DCAF17: variants seen among roughly 807,000 people sequenced by gnomAD.
The protein encoded by DCAF17 is DDB1 and CUL4 associated factor 17, also known as DDB1- and CUL4-associated factor 17.
A neutral mutation model predicts 66.0 loss-of-function variants in DCAF17; 48 were observed. That is an observed-to-expected ratio of 0.73 (90% confidence interval 0.58 to 0.92). DCAF17 has a LOEUF of 0.92. Ranked by LOEUF, DCAF17 falls within the 40% of genes least tolerant of loss-of-function variation. The pLI is 0.00. For synonymous variants in DCAF17, 206 were observed against 214.6 expected, an observed-to-expected ratio of 0.96 and a Z score of 0.35; for missense variants, 562 against 622.8, an observed-to-expected ratio of 0.90 and a Z score of 1.04.
chr2:171,459,592 T>A lies in DCAF17; in HGVS notation c.838+1115T>A, dbSNP rs77760038. ...AACCAATAAGCATTATATTTTTAGGTGAAATGCCAAAGGATTTTCTAATAT... is the reference window on the plus strand; with the variant it reads ...AACCAATAAGCATTATATTTTTAGGAGAAATGCCAAAGGATTTTCTAATAT... On this transcript the variant is annotated intron_variant, in intron 8 of 13. Coordinates refer to ENST00000375255, the MANE Select transcript of DCAF17 (RefSeq NM_025000.4). 9.2e-3 allele frequency among the ~76,000 whole-genome samples: 1,400 copies of A among 152,294 alleles called. 25 individuals carry two copies. The highest frequency in any genetic ancestry group is 0.032 in the African/African-American group (1,313 of 41,558).
At chr2:171,470,698 T>G (rs1234593244) in intron 9 of DCAF17, among the ~76,000 whole-genome samples, 1 of 152,212 alleles carries the variant, frequency 6.6e-6, no homozygotes, top group African/African-American at 2.4e-5. Context: ...CATCCCTTTT[T>G]CACTTAACTT....
chr2:171,434,768 G>T, intron 1 of DCAF17, 65 bp downstream of exon 1: 1 of 1,390,866 alleles, frequency 7.2e-7, no homozygotes, highest in Non-Finnish European at 9.2e-7. Flanking sequence ...GCCTCCTGCG[G>T]GGATGCGGTT....
Position 171,453,108 on chromosome 2 carries a change from T to C in DCAF17, c.538-16T>C. 6.3e-7 allele frequency: 1 copy of C among 1,583,402 alleles called. No individual in the cohort carries two copies. Among genetic ancestry groups the C allele is most frequent in the Admixed American group, 1.8e-5 (1 of 56,428 alleles). On this transcript the variant is annotated splice_polypyrimidine_tract_variant and intron_variant, in intron 5 of 13. Transcript: ENST00000375255. ...TACTTTTGAGAGCTGCGTGTAATTG[T>C]AGTCTTTCCTTCTAGGCAGGCATTC...
chr2:171,439,979 G>A (rs1574319694), intron 2 of DCAF17, among the ~76,000 whole-genome samples: 1 of 151,866 alleles, frequency 6.6e-6, no homozygotes, highest in Non-Finnish European at 1.5e-5. Flanking sequence ...GAAATGAGGC[G>A]TTGCTTTGTT....
chr2:171,455,285 G>A (rs1695192100), intron 6 of DCAF17, among the ~76,000 whole-genome samples: 2 of 152,112 alleles, frequency 1.3e-5, no homozygotes. Context: ...GTTTTAGTTT[G>A]CTAAGGTTAA....
chr2:171,468,130 T>C (rs940640264), intron 8 of DCAF17, among the ~76,000 whole-genome samples: 2 of 152,084 alleles, frequency 1.3e-5, no homozygotes, highest in Admixed American at 1.3e-4. Context: ...TAAGAATAGA[T>C]CTATTATGCC....
intron 13 of DCAF17, among the ~76,000 whole-genome samples, chr2:171,480,653 T>A (rs779537657): frequency 2.6e-5 from 4 of 152,280 alleles, no homozygotes; most frequent in Middle Eastern, 3.4e-3. Flanking sequence ...CCAGGTCTTG[T>A]TTTATCAGTG....
chr2:171,439,119 T>TTTTTTTCATC (rs1157881868), intron 2 of DCAF17, among the ~76,000 whole-genome samples: 1 of 152,082 alleles, frequency 6.6e-6, no homozygotes, highest in African/African-American at 2.4e-5. Flanking sequence ...TTAAGGTGCT[T>TTTTTTTCATC]TTTTTTCATC....
chr2:171,478,689 A>G (rs1408423841), intron 12 of DCAF17, among the ~76,000 whole-genome samples: 1 of 152,204 alleles, frequency 6.6e-6, no homozygotes, highest in Non-Finnish European at 1.5e-5. Flanking sequence ...TAACTATATT[A>G]TTTGTAGGAC....
In DCAF17 at chr2:171,482,796, T is replaced by C. The variant is rs908589403; in HGVS notation, c.*1682T>C. On this transcript the variant is annotated 3_prime_UTR_variant, in exon 14 of 14. Coordinates refer to ENST00000375255, the MANE Select transcript of DCAF17 (RefSeq NM_025000.4). ...GAGAAATAGCTGAATTCCTGGCTGC[T>C]TTTTTGCTGGGGGTAGATGGTGGAA... is the stretch of plus-strand genomic sequence containing the variant. The C allele has an allele frequency of 2.0e-5, 9 of 453,660 alleles. No homozygotes were observed. Among genetic ancestry groups the C allele is most frequent in the African/African-American group, 1.2e-4 (6 of 49,986 alleles). 28.1% of individuals were successfully genotyped at this position (453,660 alleles called of 1,614,324 possible).
chr2:171,452,571 A>G (rs79017245), intron 5 of DCAF17, among the ~76,000 whole-genome samples: 4,652 of 152,016 alleles, frequency 0.031, 80 homozygotes, highest in East Asian at 0.051. Flanking sequence ...CTCTCACGTC[A>G]CCCTCCTGAG....
rs146802661 is a variant in DCAF17 at position 171,455,785 on chromosome 2, T to C, written c.628-2186T>C. ...ATCAGTGATGTTGAGCTTTTTTTCA[T>C]GTGCTTGTTGGCCACATGTATGCCA... On this transcript the variant is annotated intron_variant, in intron 6 of 13. Coordinates refer to ENST00000375255, the MANE Select transcript of DCAF17 (RefSeq NM_025000.4). Among the ~76,000 whole-genome samples, 1,050 of 152,360 alleles carry C rather than the reference T, an allele frequency of 6.9e-3. 13 individuals are homozygous for C. The highest frequency in any genetic ancestry group is 0.023 in the African/African-American group (972 of 41,576).
chr2:171,439,696 G>C (rs115174779), intron 2 of DCAF17, among the ~76,000 whole-genome samples: 68 of 152,012 alleles, frequency 4.5e-4, no homozygotes, highest in African/African-American at 1.6e-3. Context: ...GGGAGGACTA[G>C]GTGGGCAGAT....
chr2:171,482,363 T>A lies in DCAF17; in HGVS notation c.*1249T>A. 4.6e-6 allele frequency: 2 copies of A among 438,450 alleles called. No individual in the cohort carries two copies. Among genetic ancestry groups the A allele is most frequent in the Non-Finnish European group, 9.1e-6 (2 of 219,080 alleles). 27.2% of individuals were successfully genotyped at this position (438,450 alleles called of 1,614,324 possible). On this transcript the variant is annotated 3_prime_UTR_variant, in exon 14 of 14. Coordinates refer to ENST00000375255, the MANE Select transcript of DCAF17 (RefSeq NM_025000.4). Reference sequence around the variant, plus strand: ...GATGATTTATATTAAAATCTTTCCATTTTTTTTTTCAGTTTTGGCTTGATG... The same window carrying A: ...GATGATTTATATTAAAATCTTTCCAATTTTTTTTTCAGTTTTGGCTTGATG...
In DCAF17 at chr2:171,482,395, T is replaced by A. The variant is rs780757035; in HGVS notation, c.*1281T>A. ...TTTCAGTTTTGGCTTGATGCCATGT[T>A]AAGAATGATGTGAATTCTTCCCAGT... On this transcript the variant is annotated 3_prime_UTR_variant, in exon 14 of 14. Coordinates refer to ENST00000375255, the MANE Select transcript of DCAF17 (RefSeq NM_025000.4). 5.3e-5 allele frequency: 24 copies of A among 453,966 alleles called. No homozygotes were observed. The highest frequency in any genetic ancestry group is 9.3e-5 in the Non-Finnish European group (21 of 226,778). The allele number at this position is 453,966 out of a possible 1,614,324, so 28.1% of individuals were successfully genotyped here. A position where few individuals can be genotyped will look rare whatever the true frequency, so the allele number is the denominator to read the frequency against.
chr2:171,469,198 G>A (rs1476871419), intron 9 of DCAF17, among the ~76,000 whole-genome samples, 168 bp downstream of exon 9: 1 of 152,186 alleles, frequency 6.6e-6, no homozygotes, highest in East Asian at 1.9e-4. Context: ...AAACATTTGT[G>A]TGTATCACCC....
intron 2 of DCAF17, among the ~76,000 whole-genome samples, chr2:171,435,397 G>A (rs1381540414): frequency 6.6e-6 from 1 of 152,138 alleles, no homozygotes; most frequent in Admixed American, 6.5e-5. Flanking sequence ...CCAACTTAAA[G>A]CAAAACTACA....
intron 8 of DCAF17, among the ~76,000 whole-genome samples, chr2:171,462,706 G>C (rs974000441): frequency 6.6e-6 from 1 of 152,020 alleles, no homozygotes; most frequent in African/African-American, 2.4e-5. Flanking sequence ...TCAGTACTAG[G>C]AATTTATCCC....
At chr2:171,460,302 G>C (rs556905701) in intron 8 of DCAF17, among the ~76,000 whole-genome samples, 2 of 142,580 alleles carry the variant, frequency 1.4e-5, no homozygotes, top group South Asian at 4.6e-4. Context: ...TAGCCTGGGC[G>C]ATTGAGCGAG....
Sources: gnomAD v4.1 joint callset for allele counts (sites outside exome capture counted in the v4.1 genomes callset) on GRCh38, gnomAD v4.1.1 for gene constraint, MANE v1.5 for transcripts, NCBI Gene and HGNC (gene_info 2026-07-23, HGNC 2026-07-21) for gene names.